The following TMEM117 variants were observed in gnomAD, a reference collection of about 807,000 sequenced individuals.
The protein encoded by TMEM117 is transmembrane protein 117.
TMEM117 carries 27 observed loss-of-function variants against 52.4 expected under a neutral mutation model. The ratio of observed to expected loss-of-function variants is 0.51; its 90% CI spans 0.38 to 0.71. The LOEUF is 0.71. Ranked by LOEUF, TMEM117 falls within the 30% of genes least tolerant of loss-of-function variation. TMEM117 has a pLI of 0.00. For missense variants in TMEM117, 556 were observed against 630.5 expected, an observed-to-expected ratio of 0.88 and a Z score of 1.26; for synonymous variants, 215 against 206.3, an observed-to-expected ratio of 1.04 and a Z score of -0.36.
rs1224994724 is a variant in TMEM117 at position 43,836,809 on chromosome 12, G to T, written c.-29+613G>T. ...TGTGTATGTGTGTGTGGGTGTGCGT[G>T]TGTGAGAGAGAGAGAGACACGGGAG... On this transcript the variant is annotated intron_variant, in intron 1 of 7. Transcript: ENST00000266534. Among the ~76,000 whole-genome samples, 7 of 152,168 alleles carry T rather than the reference G, an allele frequency of 4.6e-5. No homozygotes were observed. The East Asian group carries it at 1.4e-3, about 29-fold the overall frequency.
chr12:44,105,764 C>T (rs1239653554), intron 3 of TMEM117, among the ~76,000 whole-genome samples: 6 of 151,960 alleles, frequency 3.9e-5, no homozygotes, highest in African/African-American at 1.5e-4. Context: ...CAGATAGGCT[C>T]TGATCAAATC....
chr12:43,822,917 G>T, the TMEM117 span, among the ~76,000 whole-genome samples: 1 of 151,244 alleles, frequency 6.6e-6, no homozygotes, highest in Admixed American at 6.6e-5. Context: ...AAAAAAAAAG[G>T]GTAATCTACT....
intron 5 of TMEM117, among the ~76,000 whole-genome samples, chr12:44,290,506 T>G (rs1350673357): frequency 2.0e-5 from 3 of 152,180 alleles, no homozygotes. Flanking sequence ...TGACTGTCTA[T>G]GTATGGGTTT....
At chr12:43,807,917 C>T in the TMEM117 span, among the ~76,000 whole-genome samples, 13 of 152,180 alleles carry the variant, frequency 8.5e-5, no homozygotes, top group South Asian at 2.5e-3. Context: ...GAGAATAATA[C>T]CTTAGATTTG....
intron 3 of TMEM117, among the ~76,000 whole-genome samples, chr12:44,081,157 G>A (rs1947475709): frequency 6.6e-6 from 1 of 152,142 alleles, no homozygotes; most frequent in Non-Finnish European, 1.5e-5. Context: ...TGAAGAAATA[G>A]ATAAATAAAT....
chr12:43,961,585 T>C (rs997690233), intron 3 of TMEM117, among the ~76,000 whole-genome samples: 1 of 152,202 alleles, frequency 6.6e-6, no homozygotes, highest in Non-Finnish European at 1.5e-5. Context: ...GAAAAGTAAA[T>C]ATTAAAATCT....
rs957873290 is a variant in TMEM117 at position 44,107,783 on chromosome 12, G to A, written c.411-35742G>A. ...AGTTTTCAAATCAACTTTTCAGAAA[G>A]CAACTTTGTTTTCTTTGTGGACAGA... On this transcript the variant is annotated intron_variant, in intron 3 of 7. Coordinates refer to ENST00000266534, the MANE Select transcript of TMEM117 (RefSeq NM_032256.3). 3.5e-4 allele frequency among the ~76,000 whole-genome samples: 53 copies of A among 152,048 alleles called. 1 individual carries two copies. The highest frequency in any genetic ancestry group is 1.8e-4 in the Non-Finnish European group (12 of 67,992).
chr12:43,956,435 C>A (rs1945306840), intron 3 of TMEM117, among the ~76,000 whole-genome samples: 1 of 118,576 alleles, frequency 8.4e-6, no homozygotes, highest in Admixed American at 9.8e-5. Flanking sequence ...GGAACTTAAG[C>A]AAATTTACAA....
At chr12:44,011,325 A>G (rs1031211463) in intron 3 of TMEM117, among the ~76,000 whole-genome samples, 2 of 152,146 alleles carry the variant, frequency 1.3e-5, no homozygotes, top group Admixed American at 6.5e-5. Context: ...GTCCCACTCA[A>G]ATCTCATCTT....
At chr12:44,337,258 G>C (rs1224425826) in intron 6 of TMEM117, among the ~76,000 whole-genome samples, 1 of 151,996 alleles carries the variant, frequency 6.6e-6, no homozygotes, top group African/African-American at 2.4e-5. Context: ...GTATCTTCCA[G>C]AGAGCAAGAA....
At chr12:44,067,710 G>T (rs1465458613) in intron 3 of TMEM117, among the ~76,000 whole-genome samples, 1 of 152,152 alleles carries the variant, frequency 6.6e-6, no homozygotes, top group Non-Finnish European at 1.5e-5. Flanking sequence ...TAGAGCACAG[G>T]CAGAGTTAGG....
chr12:44,152,053 T>C (rs867135084), intron 4 of TMEM117, among the ~76,000 whole-genome samples: 100 of 117,910 alleles, frequency 8.5e-4, no homozygotes, highest in African/African-American at 3.0e-3. Flanking sequence ...ATTAATCATA[T>C]ATTTATATTA....
intron 6 of TMEM117, among the ~76,000 whole-genome samples, chr12:44,320,012 A>G (rs1183026034): frequency 2.0e-5 from 3 of 152,070 alleles, no homozygotes; most frequent in African/African-American, 7.2e-5. Flanking sequence ...TCTTTCTCAA[A>G]TCTTCCTCAA....
At chr12:44,349,057 G>C (rs1029367308) in intron 6 of TMEM117, among the ~76,000 whole-genome samples, 2 of 151,914 alleles carry the variant, frequency 1.3e-5, no homozygotes, top group Non-Finnish European at 2.9e-5. Flanking sequence ...AACTATATTT[G>C]TATTAATCAA....
At chr12:43,811,811 A>G in the TMEM117 span, among the ~76,000 whole-genome samples, 1 of 152,234 alleles carries the variant, frequency 6.6e-6, no homozygotes. Flanking sequence ...AAAGTTTCCT[A>G]TAAGTTTGCT....
intron 3 of TMEM117, among the ~76,000 whole-genome samples, chr12:44,032,928 C>CT (rs1445468507): frequency 6.6e-6 from 1 of 152,150 alleles, no homozygotes; most frequent in Non-Finnish European, 1.5e-5. Context: ...GGTGTGTGAA[C>CT]TGGAACAACT....
At position 43,940,407 on chromosome 12, in the gene TMEM117, GA is replaced by G. The variant is rs568115717; in HGVS notation, c.278-3800del. ...AAAAGTCTAGCAGTGAGGTAGAAAG[GA>G]AATTCTTCTTTCCATTCTTTTGGTG... On this transcript the variant is annotated intron_variant, in intron 2 of 7. Transcript: ENST00000266534. Among the ~76,000 whole-genome samples the G allele has an allele frequency of 2.5e-3, 382 of 152,290 alleles. 2 individuals are homozygous for G. The highest frequency in any genetic ancestry group is 8.5e-3 in the African/African-American group (352 of 41,564).
chr12:44,016,547 C>G (rs1043433657), intron 3 of TMEM117, among the ~76,000 whole-genome samples: 1 of 152,122 alleles, frequency 6.6e-6, no homozygotes, highest in African/African-American at 2.4e-5. Flanking sequence ...AGGGCTTTCA[C>G]TACGTAAGTC....
intron 6 of TMEM117, among the ~76,000 whole-genome samples, chr12:44,342,201 C>G (rs1389784843): frequency 6.6e-6 from 1 of 152,070 alleles, no homozygotes; most frequent in East Asian, 1.9e-4. Flanking sequence ...TGTCTAAAGG[C>G]CATAGAATCA....
Sources: allele counts gnomAD v4.1 joint callset (sites outside exome capture counted in the v4.1 genomes callset), GRCh38; gene constraint gnomAD v4.1.1; transcripts MANE v1.5; gene names NCBI Gene and HGNC (gene_info 2026-07-23, HGNC 2026-07-21).